KAZN: variants seen among roughly 807,000 people sequenced by gnomAD.
The protein encoded by KAZN is kazrin.
Under a neutral mutation model 87.4 loss-of-function variants are expected in KAZN, and 40 were observed. The ratio of observed to expected loss-of-function variants is 0.46; its 90% confidence interval spans 0.36 to 0.60. The LOEUF (loss-of-function observed/expected upper bound fraction) is 0.60, where lower values mean the gene tolerates loss of function less well. KAZN is among the 20% of genes least tolerant of loss of function. KAZN has a pLI of 0.00. For missense variants in KAZN, 898 were observed against 1,073.9 expected (o/e 0.84, Z 2.29); for synonymous variants, 466 against 458.3 (o/e 1.02, Z -0.22).
chr1:15,010,861 A>G (rs937337664), intron 2 of KAZN, among the ~76,000 whole-genome samples: 36 of 152,198 alleles, frequency 2.4e-4, no homozygotes, highest in African/African-American at 8.2e-4. Flanking sequence ...ACCCACTGGT[A>G]GAATTCAAAA....
intron 1 of KAZN, among the ~76,000 whole-genome samples, chr1:14,136,330 C>G (rs896634845): frequency 2.0e-5 from 3 of 152,058 alleles, no homozygotes; most frequent in African/African-American, 7.2e-5. Flanking sequence ...CCTCAGATGC[C>G]CCCCTGTGAA....
intron 2 of KAZN, among the ~76,000 whole-genome samples, chr1:14,276,966 G>A (rs184104965): frequency 1.3e-5 from 2 of 152,292 alleles, no homozygotes; most frequent in Admixed American, 1.3e-4. Context: ...CATTAATCAA[G>A]ATTGGCCTGT....
intron 2 of KAZN, among the ~76,000 whole-genome samples, chr1:14,408,738 TGGG>T (rs774694442): frequency 6.6e-6 from 1 of 152,088 alleles, no homozygotes; most frequent in African/African-American, 2.4e-5. Flanking sequence ...CATATGAATT[TGGG>T]GGGAGAAAGG....
intron 2 of KAZN, among the ~76,000 whole-genome samples, chr1:14,328,748 GAAAA>G (rs3084955): frequency 0.025 from 1,415 of 55,962 alleles, 25 homozygotes; most frequent in African/African-American, 0.081. Flanking sequence ...ATCCCTAACT[GAAAA>G]AAAAAAAAAA....
intron 1 of KAZN, among the ~76,000 whole-genome samples, chr1:14,877,780 C>T (rs1652932440): frequency 6.6e-6 from 1 of 152,152 alleles, no homozygotes; most frequent in African/African-American, 2.4e-5. Flanking sequence ...CGGTACAGTG[C>T]TTGATAGTTA....
chr1:15,027,315 C>T (rs1437343118), intron 2 of KAZN, among the ~76,000 whole-genome samples: 5 of 151,816 alleles, frequency 3.3e-5, no homozygotes, highest in African/African-American at 1.2e-4. Flanking sequence ...CTCCTTACCT[C>T]GTTATCTGCC....
chr1:14,851,253 T>C (rs564541894), intron 1 of KAZN, among the ~76,000 whole-genome samples: 20 of 152,150 alleles, frequency 1.3e-4, no homozygotes, highest in Non-Finnish European at 1.9e-4. Flanking sequence ...ACATTGAGCC[T>C]GGGCCTGCCC....
intron 2 of KAZN, among the ~76,000 whole-genome samples, chr1:14,367,661 C>T (rs545473872): frequency 1.2e-3 from 184 of 152,226 alleles, no homozygotes; most frequent in Admixed American, 4.3e-3. Flanking sequence ...GTCAACATCA[C>T]CCCACCCCTT....
intron 2 of KAZN, among the ~76,000 whole-genome samples, chr1:14,236,036 A>G (rs888343708): frequency 5.3e-5 from 8 of 152,182 alleles, no homozygotes; most frequent in Non-Finnish European, 1.0e-4. Flanking sequence ...CTTATCTAAT[A>G]TCATCCTAAA....
chr1:14,842,276 G>A (rs1193527176), intron 1 of KAZN, among the ~76,000 whole-genome samples: 1 of 152,188 alleles, frequency 6.6e-6, no homozygotes, highest in African/African-American at 2.4e-5. Flanking sequence ...ATGCATGAAT[G>A]AATGGCCTGG....
chr1:15,075,284 G>T (rs187614836), intron 8 of KAZN, among the ~76,000 whole-genome samples: 1 of 152,180 alleles, frequency 6.6e-6, no homozygotes, highest in African/African-American at 2.4e-5. Flanking sequence ...CAACTAGGGG[G>T]AAAAAAATCC....
chr1:14,258,218 C>CTTTCTTT (rs539198790), intron 2 of KAZN, among the ~76,000 whole-genome samples: 2 of 126,452 alleles, frequency 1.6e-5, no homozygotes, highest in African/African-American at 6.0e-5. Flanking sequence ...TTCTTTCTTT[C>CTTTCTTT]TTTTTTTTTT....
At chr1:14,153,468 G>A (rs1316418564) in intron 1 of KAZN, among the ~76,000 whole-genome samples, 3 of 151,856 alleles carry the variant, frequency 2.0e-5, no homozygotes, top group Non-Finnish European at 2.9e-5. Flanking sequence ...TATGTTATTG[G>A]CACCTTTGTC....
chr1:14,805,733 C>T (rs1438699787), intron 1 of KAZN, among the ~76,000 whole-genome samples: 3 of 150,678 alleles, frequency 2.0e-5, no homozygotes, highest in Non-Finnish European at 2.9e-5. Context: ...TGCACTCCAG[C>T]CTGGGAGACA....
chr1:14,990,794 G>A (rs1341803034), intron 2 of KAZN, among the ~76,000 whole-genome samples: 2 of 151,210 alleles, frequency 1.3e-5, no homozygotes, highest in African/African-American at 4.9e-5. Context: ...CTAACCCCCA[G>A]GACCTCAGAA....
intron 1 of KAZN, among the ~76,000 whole-genome samples, chr1:14,177,840 C>T (rs1570946347): frequency 1.3e-5 from 2 of 150,200 alleles, no homozygotes; most frequent in African/African-American, 2.4e-5. Flanking sequence ...TGCCTTGTTG[C>T]AGCCTTCTCT....
intron 1 of KAZN, among the ~76,000 whole-genome samples, chr1:13,972,429 A>T (rs537180224): frequency 2.0e-5 from 3 of 152,174 alleles, no homozygotes; most frequent in Admixed American, 2.0e-4. Flanking sequence ...ATCTTGTGGG[A>T]TGGAAAGGAG....
chr1:15,069,714 G>C (rs1308840055), intron 8 of KAZN, among the ~76,000 whole-genome samples: 1 of 152,202 alleles, frequency 6.6e-6, no homozygotes, highest in Non-Finnish European at 1.5e-5. Flanking sequence ...TTAGAAATTG[G>C]AGTAGGGCTG....
intron 2 of KAZN, among the ~76,000 whole-genome samples, chr1:14,965,511 C>T (rs1448824943): frequency 1.3e-5 from 2 of 152,222 alleles, no homozygotes; most frequent in African/African-American, 4.8e-5. Context: ...TTTTAAATCT[C>T]TTAACAGCAT....
Sources: gnomAD v4.1 joint callset for allele counts (sites outside exome capture counted in the v4.1 genomes callset) on GRCh38, gnomAD v4.1.1 for gene constraint, MANE v1.5 for transcripts, NCBI Gene and HGNC (gene_info 2026-07-23, HGNC 2026-07-21) for gene names.